Variants in PHACTR4 observed in about 807,000 individuals in gnomAD.
PHACTR4 encodes the protein protein phosphatase 1, regulatory subunit 124.
In PHACTR4, 51 loss-of-function variants were observed where a neutral mutation model predicts 72.7. The ratio of observed to expected loss-of-function variants is 0.70; its 90% CI spans 0.56 to 0.89. The LOEUF (loss-of-function observed/expected upper bound fraction) is 0.89. Among genes scored for constraint, PHACTR4 ranks in the 40% least tolerant of loss-of-function variants. The pLI, the probability that PHACTR4 is intolerant of heterozygous loss-of-function variation, is 0.00. For missense variants in PHACTR4, 731 were observed against 861.8 expected (o/e 0.85, Z 1.90); for synonymous variants, 255 against 302.5 (o/e 0.84, Z 1.63).
intron 1 of PHACTR4, among the ~76,000 whole-genome samples, chr1:28,394,306 A>C (rs1204319919): frequency 6.6e-6 from 1 of 151,256 alleles, no homozygotes; most frequent in Non-Finnish European, 1.5e-5. Flanking sequence ...GGAGGGAGGA[A>C]GGAAGAGGGA....
In PHACTR4 at chr1:28,499,789, C is replaced by G. The variant is rs370269487; in HGVS notation, c.*3240C>G. ...TCATGCCCAGCCTCCTTGAAGTTTA[C>G]TAACAATTGGGATAACTGAGGGAAG... On this transcript the variant is annotated 3_prime_UTR_variant, in exon 14 of 14. Coordinates refer to ENST00000373839, the MANE Select transcript of PHACTR4 (RefSeq NM_001048183.3). 6.6e-6 allele frequency: 1 copy of G among 152,090 alleles called. No individual in the cohort carries two copies. The highest frequency in any genetic ancestry group is 2.1e-4 in the South Asian group (1 of 4,826). The allele number at this position is 152,090 out of a possible 1,614,324, so 9.4% of individuals were successfully genotyped here. A position where few individuals can be genotyped will look rare whatever the true frequency, so the allele number is the denominator to read the frequency against.
At chr1:28,386,066 T>C (rs1361295807) in intron 1 of PHACTR4, among the ~76,000 whole-genome samples, 2 of 152,200 alleles carry the variant, frequency 1.3e-5, no homozygotes, top group Admixed American at 6.5e-5. Flanking sequence ...CATGTGGCAA[T>C]GAGAAGAATG....
chr1:28,443,335 G>T (rs908145272), intron 2 of PHACTR4, among the ~76,000 whole-genome samples: 1 of 151,690 alleles, frequency 6.6e-6, no homozygotes, highest in East Asian at 1.9e-4. Flanking sequence ...AGGCTGGAGT[G>T]CAGTGGCGCG....
intron 2 of PHACTR4, among the ~76,000 whole-genome samples, chr1:28,431,749 A>T (rs1189337102): frequency 2.0e-5 from 3 of 152,202 alleles, no homozygotes; most frequent in African/African-American, 7.2e-5. Context: ...AATTTTAACA[A>T]ATCAGCATTA....
At chr1:28,430,953 G>A (rs879791031) in intron 2 of PHACTR4, among the ~76,000 whole-genome samples, 1 of 151,746 alleles carries the variant, frequency 6.6e-6, no homozygotes, top group Non-Finnish European at 1.5e-5. Flanking sequence ...CGAGGCAGGC[G>A]GATCACGAGG....
At position 28,378,570 on chromosome 1, in the gene PHACTR4, C is replaced by A. The variant is rs1048910053; in HGVS notation, c.-39+8745C>A. Among the ~76,000 whole-genome samples the A allele has an allele frequency of 7.4e-5, 4 of 53,994 alleles. 1 individual carries two copies. Among genetic ancestry groups the A allele is most frequent in the South Asian group, 1.5e-3 (2 of 1,306 alleles). 35.4% of individuals were successfully genotyped at this position (53,994 alleles called of 152,430 possible). On this transcript the variant is annotated intron_variant, in intron 1 of 13. Coordinates refer to ENST00000373839, the MANE Select transcript of PHACTR4 (RefSeq NM_001048183.3). ...TTTCTTTCTTTCTTTCTCCCCCCAG[C>A]CCCCCCCCCCTTTTTTTTTAACAAC... is the stretch of plus-strand genomic sequence containing the variant.
At chr1:28,486,987 A>T (rs925268274) in intron 9 of PHACTR4, among the ~76,000 whole-genome samples, 3 of 151,892 alleles carry the variant, frequency 2.0e-5, no homozygotes, top group Admixed American at 6.6e-5. Context: ...ATATGGCAAA[A>T]CTCCATCACT....
At chr1:28,439,862 T>TA (rs1384478370) in intron 2 of PHACTR4, among the ~76,000 whole-genome samples, 1 of 152,182 alleles carries the variant, frequency 6.6e-6, no homozygotes, top group Non-Finnish European at 1.5e-5. Flanking sequence ...TTAGCAAGTA[T>TA]AGTAAGGACT....
chr1:28,493,949 A>G (rs1421473039), intron 13 of PHACTR4, among the ~76,000 whole-genome samples: 1 of 152,160 alleles, frequency 6.6e-6, no homozygotes, highest in African/African-American at 2.4e-5. Flanking sequence ...CCAACAAATC[A>G]AGTGTTTTGA....
intron 2 of PHACTR4, among the ~76,000 whole-genome samples, chr1:28,453,334 A>G (rs768096603): frequency 2.0e-5 from 3 of 152,114 alleles, no homozygotes; most frequent in Non-Finnish European, 4.4e-5. Flanking sequence ...GACCTACAAC[A>G]CGTGCCACTA....
intron 1 of PHACTR4, among the ~76,000 whole-genome samples, chr1:28,373,007 G>C (rs147059322): frequency 7.7e-4 from 117 of 152,000 alleles, no homozygotes; most frequent in African/African-American, 2.7e-3. Context: ...CCCCCAGGTG[G>C]AGTAAAATGC....
At chr1:28,479,824 C>T (rs542479327) in intron 8 of PHACTR4, among the ~76,000 whole-genome samples, 3 of 152,184 alleles carry the variant, frequency 2.0e-5, no homozygotes, top group East Asian at 3.9e-4. Context: ...ACCTGGGAGG[C>T]GGAGGTTGCA....
chr1:28,451,965 T>C (rs996368590), intron 2 of PHACTR4, among the ~76,000 whole-genome samples: 1 of 152,194 alleles, frequency 6.6e-6, no homozygotes, highest in Non-Finnish European at 1.5e-5. Flanking sequence ...CAAAACTCTT[T>C]ATTATACAGC....
intron 2 of PHACTR4, among the ~76,000 whole-genome samples, chr1:28,423,881 G>T (rs1249113155): frequency 1.3e-5 from 2 of 152,152 alleles, no homozygotes; most frequent in African/African-American, 4.8e-5. Context: ...ATTGGGAGAA[G>T]GAATACTTGG....
intron 2 of PHACTR4, among the ~76,000 whole-genome samples, chr1:28,424,056 C>G (rs1655678190): frequency 6.6e-6 from 1 of 151,942 alleles, no homozygotes; most frequent in Non-Finnish European, 1.5e-5. Context: ...AAACATAAAT[C>G]AAGGAGAGAA....
intron 1 of PHACTR4, among the ~76,000 whole-genome samples, chr1:28,380,461 A>G (rs4908349): frequency 0.39 from 58,653 of 151,918 alleles, 13,014 homozygotes; most frequent in African/African-American, 0.6. Flanking sequence ...CTCAGGTATT[A>G]AGCCTAGTGC....
In PHACTR4 at chr1:28,460,245, G is replaced by A. The variant is rs1181922312; in HGVS notation, c.224G>A (p.Arg75Lys). 6.2e-7 allele frequency: 1 copy of A among 1,613,754 alleles called. No homozygotes were observed. Among genetic ancestry groups the A allele is most frequent in the East Asian group, 2.2e-5 (1 of 44,876 alleles). The change falls in exon 4 of 14, where the codon AGA becomes AAA. Residue 75 changes from arginine (R) to lysine (K), a missense_variant. Physicochemically the swap from Arg to Lys is conservative, Grantham distance 26. Around this residue, in one of 2 missense-constraint regions of PHACTR4, gnomAD observed 621 missense variants for 676.6 expected, o/e 0.92. Coordinates refer to ENST00000373839, the MANE Select transcript of PHACTR4 (RefSeq NM_001048183.3). Reference protein sequence around the residue: ...LERKISMRKPREELVKRGVLL... With the variant: ...LERKISMRKPKEELVKRGVLL... ...CGGAAAATATCTATGCGAAAGCCAA[G>A]AGAAGAGCTGGTTAAAAGAGGGGTT...
chr1:28,438,228 T>C, intron 2 of PHACTR4: 1 of 1,382,072 alleles, frequency 7.2e-7, no homozygotes, highest in Non-Finnish European at 9.4e-7. Flanking sequence ...AAACAGAAAC[T>C]TCAGCAGATG....
intron 2 of PHACTR4, among the ~76,000 whole-genome samples, chr1:28,416,438 G>GA (rs957960833): frequency 6.6e-5 from 10 of 152,064 alleles, no homozygotes; most frequent in Admixed American, 1.3e-4. Flanking sequence ...CAATCTTAAG[G>GA]AAAACAGAGT....
Sources: gnomAD v4.1 joint callset for allele counts (sites outside exome capture counted in the v4.1 genomes callset) on GRCh38, gnomAD v4.1.1 for gene constraint, gnomAD v4.1.1 regional missense constraint, MANE v1.5 for transcripts, NCBI Gene and HGNC (gene_info 2026-07-23, HGNC 2026-07-21) for gene names.